TIMMDC1: variants seen among roughly 807,000 people sequenced by gnomAD.
TIMMDC1 encodes translocase of inner mitochondrial membrane domain containing 1.
In TIMMDC1, 25 loss-of-function variants were observed where a neutral mutation model predicts 32.6. The observed-to-expected ratio is 0.77, with a 90% CI of 0.56 to 1.07. TIMMDC1 has a LOEUF of 1.07. TIMMDC1 is among the 50% of genes least tolerant of loss of function. The pLI, the probability that TIMMDC1 is intolerant of heterozygous loss-of-function variation, is 0.00. For synonymous variants in TIMMDC1, 130 were observed against 127.6 expected (o/e 1.02, Z -0.13); for missense variants, 329 against 349.2 (o/e 0.94, Z 0.46).
intron 3 of TIMMDC1, 61 bp from the exon 4 acceptor site, chr3:119,503,893 C>A: frequency 2.1e-6 from 3 of 1,408,112 alleles, no homozygotes; most frequent in South Asian, 1.2e-5. Context: ...AAATAACACT[C>A]AAGAAGGTAA....
At chr3:119,515,437 ACT>A (rs1476579630) in intron 5 of TIMMDC1, among the ~76,000 whole-genome samples, 2 of 151,998 alleles carry the variant, frequency 1.3e-5, no homozygotes, top group East Asian at 1.9e-4. Flanking sequence ...GCCAGGGAAA[ACT>A]CTGCTTTTGA....
At chr3:119,523,450 A>G (rs1423389527) in intron 6 of TIMMDC1, among the ~76,000 whole-genome samples, 156 bp from the exon 7 acceptor site, 2 of 152,218 alleles carry the variant, frequency 1.3e-5, no homozygotes, top group African/African-American at 2.4e-5. Flanking sequence ...GAGAGAGAAG[A>G]AAGTTACTGT....
rs1199920730 is a variant in TIMMDC1 at position 119,498,584 on chromosome 3, T to C, written c.-150T>C. ...AGGACTCCAAAGCGAGGCCGGGGAC[T>C]GAAGGTGTGGGTGTCGAGCCCTCTG... On this transcript the variant is annotated 5_prime_UTR_variant, in exon 1 of 7. Transcript: ENST00000494664. The C allele has an allele frequency of 3.4e-5, 24 of 707,598 alleles. No homozygotes were observed. Among genetic ancestry groups the C allele is most frequent in the East Asian group, 1.6e-4 (6 of 38,610 alleles). 43.8% of individuals were successfully genotyped at this position (707,598 alleles called of 1,614,324 possible).
At chr3:119,522,698 TC>T (rs1049111961) in intron 6 of TIMMDC1, among the ~76,000 whole-genome samples, 3 of 152,248 alleles carry the variant, frequency 2.0e-5, no homozygotes, top group Middle Eastern at 3.4e-3. Flanking sequence ...ATTATTAGTA[TC>T]AATTTTAAGA....
chr3:119,517,577 C>T (rs72952955), intron 6 of TIMMDC1, among the ~76,000 whole-genome samples: 6,751 of 152,174 alleles, frequency 0.044, 465 homozygotes, highest in African/African-American at 0.15. Context: ...GTAAATCTTG[C>T]TTGCATGTTT....
Position 119,523,872 on chromosome 3 carries a change from T to G in TIMMDC1, c.*116T>G. ...GCTGACAAATTTAAGTGCTGGTACC[T>G]GTGGTGGCAGTGGCTTGCTCTTGTC... On this transcript the variant is annotated 3_prime_UTR_variant, in exon 7 of 7. Coordinates refer to ENST00000494664, the MANE Select transcript of TIMMDC1 (RefSeq NM_016589.4). The G allele has an allele frequency of 9.3e-7, 1 of 1,074,840 alleles. No individual in the cohort carries two copies. The highest frequency in any genetic ancestry group is 2.0e-5 in the South Asian group (1 of 50,256). The allele number at this position is 1,074,840 out of a possible 1,614,324, so 66.6% of individuals were successfully genotyped here.
intron 4 of TIMMDC1, among the ~76,000 whole-genome samples, chr3:119,505,096 A>T (rs116314143): frequency 0.15 from 22,010 of 150,130 alleles, 2,025 homozygotes; most frequent in Non-Finnish European, 0.2. Context: ...AAAAAAAAAA[A>T]GTAGATTTTA....
intron 2 of TIMMDC1, among the ~76,000 whole-genome samples, chr3:119,501,431 C>T (rs540254395): frequency 6.6e-6 from 1 of 152,232 alleles, no homozygotes; most frequent in African/African-American, 2.4e-5. Flanking sequence ...ATCATTCTCC[C>T]TCTGTATAAT....
At chr3:119,512,746 T>C (rs1366266422) in intron 4 of TIMMDC1, among the ~76,000 whole-genome samples, 4 of 152,164 alleles carry the variant, frequency 2.6e-5, no homozygotes, top group South Asian at 4.1e-4. Flanking sequence ...TCAACTGTTA[T>C]TTATTTTGTT....
chr3:119,515,201 T>C (rs1314499035), intron 5 of TIMMDC1, among the ~76,000 whole-genome samples: 4 of 93,646 alleles, frequency 4.3e-5, no homozygotes, highest in African/African-American at 1.8e-4. Context: ...AGAGTAAGAC[T>C]CCATCTCAAA....
At chr3:119,502,001 G>A (rs2081879333) in intron 2 of TIMMDC1, among the ~76,000 whole-genome samples, 1 of 152,118 alleles carries the variant, frequency 6.6e-6, no homozygotes, top group South Asian at 2.1e-4. Context: ...TCAGTGACTT[G>A]CTTAAGATGG....
At chr3:119,501,849 T>C (rs2107726561) in intron 2 of TIMMDC1, among the ~76,000 whole-genome samples, 1 of 152,286 alleles carries the variant, frequency 6.6e-6, no homozygotes, top group Non-Finnish European at 1.5e-5. Context: ...GTGATTTATT[T>C]TGTAGAATGT....
Position 119,523,690 on chromosome 3 carries a change from G to A in TIMMDC1, c.792G>A (p.Lys264=). 1 of 1,613,666 alleles carries A rather than the reference G, an allele frequency of 6.2e-7. No homozygotes were observed. ...AAGATGAACCTGAGAATGATGCTAA[G>A]AAAATTGAAGCACTGCTAAACCTTC... is the stretch of plus-strand genomic sequence containing the variant. ...LQEDEPENDA[K]KIEALLNLPR... Residue 264 remains lysine, a synonymous_variant, in exon 7 of 7, where the codon AAG becomes AAA. Transcript: ENST00000494664.
chr3:119,512,328 G>C (rs1407673104), intron 4 of TIMMDC1, among the ~76,000 whole-genome samples: 2 of 152,138 alleles, frequency 1.3e-5, no homozygotes, highest in African/African-American at 4.8e-5. Flanking sequence ...GTCCAGGCAA[G>C]AGTGCAGTGA....
chr3:119,519,752 A>G (rs2082012324), intron 6 of TIMMDC1, among the ~76,000 whole-genome samples: 1 of 152,214 alleles, frequency 6.6e-6, no homozygotes, highest in Non-Finnish European at 1.5e-5. Flanking sequence ...ACTGTACTGT[A>G]GATCAAATGG....
intron 6 of TIMMDC1, among the ~76,000 whole-genome samples, chr3:119,519,207 C>T (rs2082007062): frequency 6.6e-6 from 1 of 152,066 alleles, no homozygotes; most frequent in Admixed American, 6.5e-5. Flanking sequence ...TTATACAAAA[C>T]AACCAGGAAA....
At chr3:119,503,496 T>C (rs2081894009) in intron 2 of TIMMDC1, 36 bp from the exon 3 acceptor site, 3 of 1,507,264 alleles carry the variant, frequency 2.0e-6, no homozygotes, top group Non-Finnish European at 2.7e-6. Context: ...AATATGATGG[T>C]GTCTTAGAAC....
chr3:119,502,002 C>G (rs1049461374), intron 2 of TIMMDC1, among the ~76,000 whole-genome samples: 1 of 152,254 alleles, frequency 6.6e-6, no homozygotes, highest in African/African-American at 2.4e-5. Flanking sequence ...CAGTGACTTG[C>G]TTAAGATGGC....
intron 4 of TIMMDC1, 72 bp downstream of exon 4, chr3:119,504,093 C>T (rs2081899705): frequency 2.7e-6 from 3 of 1,131,576 alleles, no homozygotes; most frequent in South Asian, 2.6e-5. Context: ...ACTTATACAT[C>T]AGAACTACTG....
Sources: allele counts gnomAD v4.1 joint callset (sites outside exome capture counted in the v4.1 genomes callset), GRCh38; gene constraint gnomAD v4.1.1; transcripts MANE v1.5; gene names NCBI Gene and HGNC (gene_info 2026-07-23, HGNC 2026-07-21).